Variants in DIAPH1 observed in about 807,000 individuals in gnomAD.
DIAPH1 encodes protein diaphanous homolog 1.
A neutral mutation model predicts 140.7 loss-of-function variants in DIAPH1; 46 were observed. That is an observed-to-expected ratio of 0.33 (90% CI 0.26 to 0.42). The LOEUF (loss-of-function observed/expected upper bound fraction) is 0.42. Among genes scored for constraint, DIAPH1 ranks in the 10% least tolerant of loss-of-function variants. The pLI is 1.00. For missense variants in DIAPH1, 1,310 were observed against 1,558.7 expected, an observed-to-expected ratio of 0.84 and a Z score of 2.69; for synonymous variants, 565 against 551.6, an observed-to-expected ratio of 1.02 and a Z score of -0.34.
intron 18 of DIAPH1, among the ~76,000 whole-genome samples, chr5:141,551,443 T>C (rs2099891668): frequency 6.6e-6 from 1 of 151,802 alleles, no homozygotes; most frequent in African/African-American, 2.4e-5. Context: ...ACCCTGTCTC[T>C]TAAAAAAAAA....
intron 18 of DIAPH1, among the ~76,000 whole-genome samples, chr5:141,541,093 C>T (rs1240136939): frequency 6.6e-6 from 1 of 152,030 alleles, no homozygotes; most frequent in African/African-American, 2.4e-5. Context: ...ATTTTATGCA[C>T]CATTAAAAAT....
At chr5:141,561,785 T>A (rs2154595975) in intron 18 of DIAPH1, 1 of 152,338 alleles carries the variant, frequency 6.6e-6, no homozygotes, top group Non-Finnish European at 1.5e-5. Context: ...CAAGCATTCT[T>A]CCACACTGCT....
intron 18 of DIAPH1, among the ~76,000 whole-genome samples, chr5:141,567,603 G>T (rs2154596099): frequency 6.6e-6 from 1 of 152,312 alleles, no homozygotes; most frequent in South Asian, 2.1e-4. Context: ...CACTGAACAA[G>T]GTAGAGCAGG....
intron 1 of DIAPH1, among the ~76,000 whole-genome samples, chr5:141,609,759 G>A (rs995762067): frequency 2.6e-5 from 4 of 152,104 alleles, no homozygotes; most frequent in African/African-American, 9.7e-5. Context: ...GAAACAGGAA[G>A]ACTGGCATTA....
chr5:141,578,835 A>C (rs555203769), intron 9 of DIAPH1, among the ~76,000 whole-genome samples: 1 of 152,346 alleles, frequency 6.6e-6, no homozygotes, highest in African/African-American at 2.4e-5. Flanking sequence ...ATTTGAGAGT[A>C]TATGTTATTG....
At chr5:141,608,501 C>T (rs941715124) in intron 1 of DIAPH1, among the ~76,000 whole-genome samples, 6 of 152,116 alleles carry the variant, frequency 3.9e-5, no homozygotes, top group African/African-American at 1.4e-4. Flanking sequence ...CTTTTATAGA[C>T]GTGGTTGAAA....
At chr5:141,547,913 C>G (rs1480910969) in intron 18 of DIAPH1, among the ~76,000 whole-genome samples, 1 of 152,132 alleles carries the variant, frequency 6.6e-6, no homozygotes, top group African/African-American at 2.4e-5. Flanking sequence ...AAAATCCTTG[C>G]TGGGTGTGGT....
rs1214401095 is a variant in DIAPH1, at chr5:141,526,105, C to T, written c.3507G>A (p.Lys1169=). Residue 1169 remains lysine (K), a synonymous_variant, in exon 26 of 28, where the codon AAG becomes AAA. Coordinates refer to ENST00000389054, the MANE Select transcript of DIAPH1 (RefSeq NM_005219.5). ...CTAGCCGCTCCTTCTCTGCCTTCTCCTTGGCTAGTTTTGCTCGCCTCATCT... is the reference window on the plus strand; with the variant it reads ...CTAGCCGCTCCTTCTCTGCCTTCTCTTTGGCTAGTTTTGCTCGCCTCATCT... The part of the protein sequence containing the change: ...EEKMRRAKLA[K]EKAEKERLEK... 2.5e-6 allele frequency: 4 copies of T among 1,614,118 alleles called. No homozygotes were observed. The highest frequency in any genetic ancestry group is 2.5e-6 in the Non-Finnish European group (3 of 1,180,042).
intron 1 of DIAPH1, 90 bp downstream of exon 1, chr5:141,618,708 C>T (rs912072163): frequency 3.6e-5 from 34 of 948,654 alleles, no homozygotes; most frequent in Non-Finnish European, 5.0e-5. Context: ...GGCGGCTCCC[C>T]AAAGCCGGGC....
Position 141,528,689 on chromosome 5 carries a change from C to CT in DIAPH1, c.3018+12dup. ...CCTTCCTTGTGTTGTCCTGCCCTAC[C>CT]TCTTTGGCTCACCTTACAGAGGAAG... On this transcript the variant is annotated intron_variant, in intron 22 of 27. Coordinates refer to ENST00000389054, the MANE Select transcript of DIAPH1 (RefSeq NM_005219.5). The CT allele has an allele frequency of 6.2e-7, 1 of 1,614,252 alleles. No homozygotes were observed. The highest frequency in any genetic ancestry group is 8.5e-7 in the Non-Finnish European group (1 of 1,180,034).
At chr5:141,539,911 C>A (rs1041799771) in intron 18 of DIAPH1, among the ~76,000 whole-genome samples, 5 of 147,370 alleles carry the variant, frequency 3.4e-5, no homozygotes, top group Admixed American at 6.7e-5. Context: ...TTTTTCTATT[C>A]TCTATTTTGT....
chr5:141,524,422 T>C (rs1225714441), intron 26 of DIAPH1, 193 bp from the exon 27 acceptor site: 1 of 646,628 alleles, frequency 1.5e-6, no homozygotes, highest in East Asian at 2.8e-5. Context: ...TAAAAAATGG[T>C]TAAAACAAAA....
chr5:141,529,720 G>A (rs777975390), intron 19 of DIAPH1, 23 bp from the exon 20 acceptor site: 8 of 1,595,088 alleles, frequency 5.0e-6, no homozygotes, highest in Non-Finnish European at 6.0e-6. Context: ...GAGATATTAA[G>A]ACATGTTCTT....
intron 11 of DIAPH1, chr5:141,577,945 C>A (rs1196371263): frequency 1.8e-6 from 1 of 542,390 alleles, no homozygotes; most frequent in East Asian, 3.3e-5. Flanking sequence ...GCCAGTTCTA[C>A]ATCTTAGTAA....
At chr5:141,540,786 G>A (rs574149710) in intron 18 of DIAPH1, among the ~76,000 whole-genome samples, 75 of 152,058 alleles carry the variant, frequency 4.9e-4, no homozygotes, top group Non-Finnish European at 7.4e-4. Flanking sequence ...CAGGCCCTGT[G>A]TGGTGGCTCA....
At chr5:141,595,489 G>A (rs114669213) in intron 1 of DIAPH1, among the ~76,000 whole-genome samples, 1 of 152,278 alleles carries the variant, frequency 6.6e-6, no homozygotes, top group Non-Finnish European at 1.5e-5. Flanking sequence ...GGCGGGACCA[G>A]GTGGAGGTAA....
In DIAPH1 at chr5:141,618,904, G is replaced by A; in HGVS notation, c.11C>T (p.Pro4Leu). Residue 4 changes from proline to leucine, a missense_variant, in exon 1 of 28, where the codon CCC (proline) becomes CTC (leucine). Physicochemically the swap from Pro to Leu is moderately conservative, Grantham distance 98. This residue lies in a region of DIAPH1 where 377 missense variants were observed against 497.1 expected (regional missense o/e 0.76). Transcript: ENST00000389054. MEP[P>L]GGSLGPGRGT... ...GCGGCCGGGCCCCAGGCTCCCGCCG[G>A]GCGGCTCCATGTCCCGGTTCACGCT... The A allele has an allele frequency of 6.6e-7, 1 of 1,510,926 alleles. No homozygotes were observed. The allele number at this position is 1,510,926 out of a possible 1,614,324, so 93.6% of individuals were successfully genotyped here. A position where few individuals can be genotyped will look rare whatever the true frequency, so the allele number is the denominator to read the frequency against.
At position 141,548,304 on chromosome 5, in the gene DIAPH1, T is replaced by C. The variant is rs186490346; in HGVS notation, c.2483-13871A>G. On this transcript the variant is annotated intron_variant, in intron 18 of 27. Coordinates refer to ENST00000389054, the MANE Select transcript of DIAPH1 (RefSeq NM_005219.5). ...TTAAAAAAAAAAAAAAGAAAAAACA[T>C]CTTCCAAAATATGGATGAAATAAAG... 2.8e-5 allele frequency among the ~76,000 whole-genome samples: 4 copies of C among 140,444 alleles called. No homozygotes were observed. The East Asian group carries it at 6.4e-4, about 22-fold the overall frequency. The allele number at this position is 140,444 out of a possible 152,430, so 92.1% of individuals were successfully genotyped here.
At chr5:141,568,310 T>C (rs1402874645) in intron 18 of DIAPH1, among the ~76,000 whole-genome samples, 1 of 149,912 alleles carries the variant, frequency 6.7e-6, no homozygotes, top group Non-Finnish European at 1.5e-5. Context: ...AAAAAAGAAA[T>C]TTAACTATTG....
Sources: gnomAD v4.1 joint callset for allele counts (sites outside exome capture counted in the v4.1 genomes callset) on GRCh38, gnomAD v4.1.1 for gene constraint, gnomAD v4.1.1 regional missense constraint, MANE v1.5 for transcripts, NCBI Gene and HGNC (gene_info 2026-07-23, HGNC 2026-07-21) for gene names.